The following HDDC2 variants were observed in gnomAD, a reference collection of about 807,000 sequenced individuals.
HDDC2 encodes the protein HD domain containing 2.
Under a neutral mutation model 25.5 loss-of-function variants are expected in HDDC2, and 25 were observed. That is an observed-to-expected ratio of 0.98 (90% CI 0.72 to 1.37). The LOEUF (loss-of-function observed/expected upper bound fraction) is 1.37. Ranked by LOEUF, HDDC2 falls within the 40% of genes most tolerant of loss-of-function variation. The probability of loss-of-function intolerance (pLI) is 0.00; values close to 1 mark genes in which losing one functional copy is unlikely to be tolerated. For synonymous variants in HDDC2, 106 were observed against 89.7 expected (o/e 1.18, Z -1.03); for missense variants, 264 against 253.1 (o/e 1.04, Z -0.29).
At chr6:125,290,966 T>C (rs552405063) in intron 4 of HDDC2, among the ~76,000 whole-genome samples, 1 of 152,228 alleles carries the variant, frequency 6.6e-6, no homozygotes, top group African/African-American at 2.4e-5. Flanking sequence ...TACTGATGGC[T>C]AAGAAAATAA....
chr6:125,301,743 G>T (rs1798811351), intron 1 of HDDC2, 106 bp downstream of exon 1: 1 of 759,674 alleles, frequency 1.3e-6, no homozygotes, highest in Non-Finnish European at 2.0e-6. Flanking sequence ...TGGCGGACGC[G>T]GCGCAGGAAG....
At chr6:125,290,034 A>G (rs1168070603) in intron 4 of HDDC2, among the ~76,000 whole-genome samples, 3 of 152,238 alleles carry the variant, frequency 2.0e-5, no homozygotes, top group Admixed American at 6.5e-5. Context: ...ATGGCTGCAA[A>G]TAGATGTGAT....
chr6:125,292,252 G>T (rs772244505), intron 4 of HDDC2, among the ~76,000 whole-genome samples: 40 of 152,106 alleles, frequency 2.6e-4, no homozygotes, highest in Non-Finnish European at 5.1e-4. Flanking sequence ...GACAACAGTA[G>T]AAGAGGGAAG....
intron 4 of HDDC2, chr6:125,277,444 G>A: frequency 2.0e-6 from 1 of 490,744 alleles, no homozygotes; most frequent in Non-Finnish European, 3.6e-6. Context: ...AGAAAGATGT[G>A]CTCTCCATTC....
intron 4 of HDDC2, among the ~76,000 whole-genome samples, chr6:125,288,163 C>T (rs1221199962): frequency 1.3e-5 from 2 of 152,154 alleles, no homozygotes; most frequent in Admixed American, 6.5e-5. Flanking sequence ...CTGACAGTGT[C>T]TATGTTCTCA....
intron 1 of HDDC2, among the ~76,000 whole-genome samples, chr6:125,301,508 G>A (rs992188461): frequency 2.3e-5 from 3 of 131,836 alleles, no homozygotes; most frequent in African/African-American, 3.8e-5. Context: ...ACACACACAC[G>A]AGTTCTGGGG....
At chr6:125,295,022 T>C (rs999547576) in intron 3 of HDDC2, among the ~76,000 whole-genome samples, 2 of 152,252 alleles carry the variant, frequency 1.3e-5, no homozygotes, top group East Asian at 1.9e-4. Context: ...TTTTGAAACC[T>C]TGTAGAGAGT....
At position 125,276,158 on chromosome 6, in the gene HDDC2, C is replaced by T. The variant is rs760122356; in HGVS notation, c.603G>A (p.Glu201=). ...RSTNIAAAAS[E]PHS ...TTTAGAGAGTGTCTCAGGAGTGTGG[C>T]TCACTGGCAGCTGCAGCTATGTTAG... The change falls in exon 6 of 6, where the codon GAG becomes GAA. Residue 201 remains glutamate, a synonymous_variant. Coordinates refer to ENST00000398153, the MANE Select transcript of HDDC2 (RefSeq NM_016063.3). The T allele has an allele frequency of 6.2e-7, 1 of 1,611,788 alleles. No homozygotes were observed. The highest frequency in any genetic ancestry group is 1.1e-5 in the South Asian group (1 of 91,030).
In HDDC2 at chr6:125,298,871, C is replaced by T. The variant is rs896886178; in HGVS notation, c.207-55G>A. On this transcript the variant is annotated intron_variant, in intron 2 of 5. Transcript: ENST00000398153. ...CACAGAATTATATTTACTACAAGTT[C>T]CTTCTCTATACTCTTCCAAAGTTAT... The T allele has an allele frequency of 1.1e-5, 13 of 1,206,854 alleles. No homozygotes were observed. In the African/African-American group the frequency reaches 1.9e-4, roughly 18 times the overall value. 74.8% of individuals were successfully genotyped at this position (1,206,854 alleles called of 1,614,324 possible).
rs1182617086 is a variant in HDDC2, at chr6:125,276,116, T to C, written c.*30A>G. 3.5e-6 allele frequency: 5 copies of C among 1,426,422 alleles called. No homozygotes were observed. In the South Asian group the frequency reaches 4.6e-5, roughly 13 times the overall value. The allele number at this position is 1,426,422 out of a possible 1,614,324, so 88.4% of individuals were successfully genotyped here. A position where few individuals can be genotyped will look rare whatever the true frequency, so the allele number is the denominator to read the frequency against. The stretch of plus-strand genomic sequence containing the variant: ...CAATGAAATGGAAAAATAATGTTTG[T>C]TACAGGAGTGCAGCAATTTAGAGAG... On this transcript the variant is annotated 3_prime_UTR_variant, in exon 6 of 6. Transcript: ENST00000398153.
At chr6:125,284,181 TA>T in intron 4 of HDDC2, among the ~76,000 whole-genome samples, 1 of 152,320 alleles carries the variant, frequency 6.6e-6, no homozygotes, top group South Asian at 2.1e-4. Context: ...ATTAAAGATT[TA>T]AACGTAAGAC....
intron 4 of HDDC2, among the ~76,000 whole-genome samples, chr6:125,292,199 T>C (rs1798642816): frequency 6.6e-6 from 1 of 151,996 alleles, no homozygotes; most frequent in African/African-American, 2.4e-5. Context: ...AGAGAGAAAC[T>C]GTAATTGGAA....
chr6:125,298,284 G>A (rs903249313), intron 3 of HDDC2, among the ~76,000 whole-genome samples: 3 of 152,190 alleles, frequency 2.0e-5, no homozygotes, highest in South Asian at 2.1e-4. Context: ...ACCTAGCCTC[G>A]GGTATTTCTT....
chr6:125,298,180 G>A (rs1046193622), intron 3 of HDDC2, among the ~76,000 whole-genome samples: 2 of 151,074 alleles, frequency 1.3e-5, no homozygotes, highest in Non-Finnish European at 3.0e-5. Flanking sequence ...CCAAACCTCA[G>A]CATCACACAA....
chr6:125,299,915 G>A (rs1798769985), intron 2 of HDDC2, among the ~76,000 whole-genome samples: 1 of 152,148 alleles, frequency 6.6e-6, no homozygotes, highest in South Asian at 2.1e-4. Context: ...GCTCAACTCA[G>A]ATTGCACCTC....
intron 4 of HDDC2, among the ~76,000 whole-genome samples, chr6:125,289,684 T>C (rs1175348995): frequency 6.6e-6 from 1 of 152,184 alleles, no homozygotes; most frequent in East Asian, 1.9e-4. Flanking sequence ...AAGCCCCACC[T>C]GTACTTTGAA....
chr6:125,296,140 C>T (rs1230685498), intron 3 of HDDC2, among the ~76,000 whole-genome samples: 5 of 151,000 alleles, frequency 3.3e-5, no homozygotes, highest in South Asian at 4.2e-4. Context: ...AAAAAAGATA[C>T]AAATAAAAAA....
chr6:125,284,575 AC>A (rs1267442883), intron 4 of HDDC2, among the ~76,000 whole-genome samples: 5 of 152,248 alleles, frequency 3.3e-5, no homozygotes, highest in African/African-American at 1.2e-4. Context: ...GCTCATTATC[AC>A]TGGTCATTAG....
chr6:125,287,895 G>C (rs1798566010), intron 4 of HDDC2, among the ~76,000 whole-genome samples: 1 of 152,334 alleles, frequency 6.6e-6, no homozygotes, highest in African/African-American at 2.4e-5. Flanking sequence ...CAGCACACAG[G>C]CAGAGCGGGG....
Sources: gnomAD v4.1 joint callset for allele counts (sites outside exome capture counted in the v4.1 genomes callset) on GRCh38, gnomAD v4.1.1 for gene constraint, MANE v1.5 for transcripts, NCBI Gene and HGNC (gene_info 2026-07-23, HGNC 2026-07-21) for gene names.